IK: variants seen among roughly 807,000 people sequenced by gnomAD.
IK encodes the protein IK cytokine, also known as protein Red.
In IK, 47 loss-of-function variants were observed where a neutral mutation model predicts 90.9. That is an observed-to-expected ratio of 0.52 (90% CI 0.41 to 0.66). The LOEUF is 0.66. Ranked by LOEUF, IK falls within the 30% of genes least tolerant of loss-of-function variation. IK has a pLI of 0.00. For synonymous variants in IK, 201 were observed against 227.5 expected (o/e 0.88, Z 1.05); for missense variants, 385 against 709.3 (o/e 0.54, Z 5.19).
At chr5:140,660,063 C>G (rs754401001) in intron 14 of IK, 52 bp from the exon 15 acceptor site, 116 of 1,530,752 alleles carry the variant, frequency 7.6e-5, no homozygotes, top group Non-Finnish European at 1.0e-4. Flanking sequence ...CTGGCTGAAG[C>G]TTTACAGCAA....
intron 9 of IK, among the ~76,000 whole-genome samples, chr5:140,657,030 G>A (rs1245263560): frequency 1.3e-5 from 2 of 152,080 alleles, no homozygotes; most frequent in Admixed American, 1.3e-4. Flanking sequence ...GGCCAACATT[G>A]TAAAACCTGA....
chr5:140,660,684 T>G, intron 15 of IK, 74 bp from the exon 16 acceptor site: 1 of 1,184,916 alleles, frequency 8.4e-7, no homozygotes, highest in Non-Finnish European at 1.3e-6. Flanking sequence ...AGATAACCTC[T>G]TAGTCGGGTA....
rs1307904500 is a variant in IK, at chr5:140,657,360, A to G, written c.802-194A>G. Among the ~76,000 whole-genome samples, 4 of 152,264 alleles carry G rather than the reference A, an allele frequency of 2.6e-5. No homozygotes were observed. The East Asian group carries it at 7.7e-4, about 29-fold the overall frequency. ...TGTTCTAGACTCCTGACTTTCTTGA[A>G]TGGTCTTGATTCATTTTGATGCAGG... is the stretch of plus-strand genomic sequence containing the variant. On this transcript the variant is annotated intron_variant, in intron 9 of 19. Coordinates refer to ENST00000417647, the MANE Select transcript of IK (RefSeq NM_006083.4).
At chr5:140,651,575 C>G (rs1032457745) in intron 2 of IK, 139 bp from the exon 3 acceptor site, 1 of 415,818 alleles carries the variant, frequency 2.4e-6, no homozygotes, top group East Asian at 4.3e-5. Context: ...GACTCCGTCT[C>G]AAAAAAAAAA....
intron 6 of IK, 77 bp from the exon 7 acceptor site, chr5:140,654,439 C>G (rs955908857): frequency 3.7e-6 from 4 of 1,086,498 alleles, no homozygotes; most frequent in Non-Finnish European, 5.4e-6. Context: ...ATTCTTAGTT[C>G]CTGGTACAGT....
intron 10 of IK, 25 bp from the exon 11 acceptor site, chr5:140,658,712 C>T: frequency 1.3e-6 from 2 of 1,579,508 alleles, no homozygotes; most frequent in Non-Finnish European, 1.7e-6. Flanking sequence ...GGAGTATGTT[C>T]CTGACTCCTC....
At chr5:140,658,255 C>T (rs767034690) in intron 10 of IK, among the ~76,000 whole-genome samples, 3 of 152,050 alleles carry the variant, frequency 2.0e-5, no homozygotes, top group Non-Finnish European at 4.4e-5. Context: ...GTGCCCACCT[C>T]GGCCTCCCAA....
At position 140,656,539 on chromosome 5, in the gene IK, C is replaced by T. The variant is rs575912445; in HGVS notation, c.801+547C>T. Among the ~76,000 whole-genome samples, 12 of 147,254 alleles carry T rather than the reference C, an allele frequency of 8.1e-5. No individual in the cohort carries two copies. In the East Asian group the frequency reaches 1.4e-3, roughly 17 times the overall value. ...GTTTCCGCACTTCCACTCTGGTTTC[C>T]GCACTTCCACTCTGATTTGTTATTA... On this transcript the variant is annotated intron_variant, in intron 9 of 19. Transcript: ENST00000417647.
intron 2 of IK, among the ~76,000 whole-genome samples, chr5:140,650,284 A>C (rs1450985256): frequency 6.6e-6 from 1 of 152,192 alleles, no homozygotes; most frequent in African/African-American, 2.4e-5. Context: ...GGAGAAGAGG[A>C]ACTTGATTAG....
Position 140,659,071 on chromosome 5 carries a change from A to G in IK, c.1083A>G (p.Glu361=). 6.2e-7 allele frequency: 1 copy of G among 1,611,756 alleles called. No individual in the cohort carries two copies. Among genetic ancestry groups the G allele is most frequent in the South Asian group, 1.1e-5 (1 of 91,040 alleles). The change falls in exon 12 of 20, where the codon GAA becomes GAG. Residue 361 remains glutamate, a synonymous_variant. Transcript: ENST00000417647. ...ACCGTGACCGAGAGCGAGAGCGAGA[A>G]CGAGATCGGGAACGAGAGCGAGAGC... The part of the protein sequence containing the change: ...DRDRDRERER[E]RDRERERERD...
rs765191103 is a variant in IK, at chr5:140,659,131, C to G, written c.1143C>G (p.His381Gln). ...DREREEEKKR[H>Q]SYFEKPKVDD... ...AGAGAGAAGAGGAAAAGAAGAGACA[C>G]AGCTACTTTGAGAAGCCAAAAGTAG... Residue 381 changes from histidine to glutamine, a missense_variant, in exon 12 of 20, where the codon CAC becomes CAG. Physicochemically the swap from His to Gln is conservative, Grantham distance 24 (BLOSUM62 0). This residue lies in a region of IK where 139 missense variants were observed against 172.0 expected (regional missense o/e 0.81). Transcript: ENST00000417647. The G allele has an allele frequency of 1.2e-5, 19 of 1,596,760 alleles. No individual in the cohort carries two copies. The highest frequency in any genetic ancestry group is 2.7e-5 in the African/African-American group (2 of 74,520).
chr5:140,653,901 A>C, intron 5 of IK, 37 bp from the exon 6 acceptor site: 88 of 1,249,866 alleles, frequency 7.0e-5, no homozygotes, highest in Non-Finnish European at 9.7e-5. Flanking sequence ...CCACGCCTGG[A>C]CAGTACTGTT....
rs372918412 is a variant in IK at position 140,651,792 on chromosome 5, G to A, written c.162G>A (p.Lys54=). The A allele has an allele frequency of 1.9e-6, 3 of 1,605,832 alleles. No individual in the cohort carries two copies. The highest frequency in any genetic ancestry group is 2.7e-5 in the African/African-American group (2 of 74,754). The change falls in exon 3 of 20, where the codon AAG becomes AAA. Residue 54 remains lysine, a synonymous_variant. Transcript: ENST00000417647. ...CACCTACCTCTGCACCACCTTCTAA[G>A]TCACGTCACCATGAGTAAGTCTTTG... ...RAAPTSAPPS[K]SRHHEMPREY... is the part of the protein sequence containing the mutation.
At chr5:140,651,600 C>A in intron 2 of IK, 114 bp from the exon 3 acceptor site, 2 of 607,980 alleles carry the variant, frequency 3.3e-6, no homozygotes, top group Non-Finnish European at 5.8e-6. Context: ...AGTGTCATAT[C>A]TTTGTTTTAA....
At chr5:140,654,974 TA>T (rs1757681470) in intron 8 of IK, among the ~76,000 whole-genome samples, 1 of 120,862 alleles carries the variant, frequency 8.3e-6, no homozygotes, top group East Asian at 2.6e-4. Flanking sequence ...CATACCTAGC[TA>T]ATTTTTTTTT....
chr5:140,649,733 A>G (rs1301878977), intron 2 of IK, among the ~76,000 whole-genome samples: 5 of 146,010 alleles, frequency 3.4e-5, no homozygotes, highest in African/African-American at 1.3e-4. Flanking sequence ...GGGTTTCGCT[A>G]TGTTGGCCAG....
chr5:140,651,899 C>G, intron 3 of IK, 93 bp downstream of exon 3: 5 of 890,578 alleles, frequency 5.6e-6, no homozygotes, highest in Non-Finnish European at 7.4e-6. Flanking sequence ...AATAGTCCCT[C>G]AGGTATTTAT....
At chr5:140,649,932 T>C (rs752033253) in intron 2 of IK, among the ~76,000 whole-genome samples, 1 of 152,238 alleles carries the variant, frequency 6.6e-6, no homozygotes, top group Non-Finnish European at 1.5e-5. Context: ...AATGATATTA[T>C]GCTGTATATA....
chr5:140,659,096 C>T lies in IK; in HGVS notation c.1108C>T (p.Arg370Trp), dbSNP rs1484354553. Residue 370 changes from arginine to tryptophan, a missense_variant, in exon 12 of 20, where the codon CGG (arginine) becomes TGG (tryptophan). Around this residue, in one of 8 missense-constraint regions of IK, gnomAD observed 139 missense variants for 172.0 expected, o/e 0.81. Transcript: ENST00000417647. ...RERDRERERE[R>W]DREREEEKKR... ...ACGAGATCGGGAACGAGAGCGAGAG[C>T]GGGACCGAGAGAGAGAAGAGGAAAA... 5.6e-6 allele frequency: 9 copies of T among 1,611,508 alleles called. No homozygotes were observed. Among genetic ancestry groups the T allele is most frequent in the Non-Finnish European group, 6.8e-6 (8 of 1,178,668 alleles).
Sources: gnomAD v4.1 joint callset for allele counts (sites outside exome capture counted in the v4.1 genomes callset) on GRCh38, gnomAD v4.1.1 for gene constraint, gnomAD v4.1.1 regional missense constraint, MANE v1.5 for transcripts, NCBI Gene and HGNC (gene_info 2026-07-23, HGNC 2026-07-21) for gene names.